TBC1D5: variants seen among roughly 807,000 people sequenced by gnomAD.
TBC1D5 encodes TBC1 domain family, member 5.
A neutral mutation model predicts 100.3 loss-of-function variants in TBC1D5; 75 were observed. The ratio of observed to expected loss-of-function variants is 0.75; its 90% confidence interval spans 0.62 to 0.91. TBC1D5 has a LOEUF of 0.91. Ranked by LOEUF, TBC1D5 falls within the 40% of genes least tolerant of loss-of-function variation. The pLI is 0.00. For missense variants in TBC1D5, 910 were observed against 942.4 expected, an observed-to-expected ratio of 0.97 and a Z score of 0.45; for synonymous variants, 323 against 325.6, an observed-to-expected ratio of 0.99 and a Z score of 0.09.
exon 1 of TBC1D5, chr3:17,739,577 T>A (rs1003225139): frequency 2.0e-5 from 3 of 152,248 alleles, no homozygotes; most frequent in African/African-American, 7.2e-5. Context: ...TAGATACTTT[T>A]ACATTTAACA....
At chr3:17,241,623 C>G (rs2076309200) in intron 16 of TBC1D5, among the ~76,000 whole-genome samples, 1 of 152,182 alleles carries the variant, frequency 6.6e-6, no homozygotes, top group African/African-American at 2.4e-5. Flanking sequence ...GGTGAACTTT[C>G]TGAAGATCCA....
intron 4 of TBC1D5, among the ~76,000 whole-genome samples, chr3:17,422,928 T>C (rs1361265709): frequency 6.6e-6 from 1 of 152,182 alleles, no homozygotes; most frequent in Non-Finnish European, 1.5e-5. Context: ...ATTTTTCAAA[T>C]TTACTCAATG....
At chr3:17,698,556 A>T (rs2072551069) in intron 1 of TBC1D5, among the ~76,000 whole-genome samples, 1 of 150,890 alleles carries the variant, frequency 6.6e-6, no homozygotes, top group South Asian at 2.1e-4. Context: ...ATCTAATTAA[A>T]CTAAAGAGCT....
chr3:17,530,818 T>C (rs1291824119), intron 2 of TBC1D5, among the ~76,000 whole-genome samples: 3 of 152,218 alleles, frequency 2.0e-5, no homozygotes, highest in African/African-American at 4.8e-5. Context: ...AAATTAGGTA[T>C]TGATGGGACG....
chr3:17,513,881 G>A (rs952975544), intron 2 of TBC1D5, among the ~76,000 whole-genome samples: 27 of 152,112 alleles, frequency 1.8e-4, no homozygotes, highest in Admixed American at 1.8e-3. Flanking sequence ...TCTGGTAGAA[G>A]CTACGTTTTC....
chr3:17,186,214 GA>G (rs1397053786), intron 18 of TBC1D5, among the ~76,000 whole-genome samples: 1 of 148,358 alleles, frequency 6.7e-6, no homozygotes, highest in East Asian at 2.0e-4. Flanking sequence ...AAAAAAGAAG[GA>G]AAAAAAAACC....
chr3:17,620,614 T>C (rs2062583413), intron 2 of TBC1D5, among the ~76,000 whole-genome samples: 1 of 152,218 alleles, frequency 6.6e-6, no homozygotes, highest in South Asian at 2.1e-4. Context: ...TATCTCTGCG[T>C]TATCTTTATA....
At chr3:17,741,437 C>T (rs1393944814), upstream of TBC1D5, among the ~76,000 whole-genome samples, 3 of 152,166 alleles carry the variant, frequency 2.0e-5, no homozygotes, top group East Asian at 1.9e-4. Context: ...TTCAACAATA[C>T]CTATTTATTG....
At chr3:17,192,330 C>T (rs2070039794) in intron 18 of TBC1D5, among the ~76,000 whole-genome samples, 1 of 148,966 alleles carries the variant, frequency 6.7e-6, no homozygotes, top group Non-Finnish European at 1.5e-5. Context: ...TTCTAAACGA[C>T]ACTAAATAGA....
intron 3 of TBC1D5, among the ~76,000 whole-genome samples, chr3:17,429,510 C>G (rs754395204): frequency 6.6e-6 from 1 of 151,724 alleles, no homozygotes; most frequent in Non-Finnish European, 1.5e-5. Flanking sequence ...ATATTTACAG[C>G]TTAATATAAC....
At chr3:17,628,093 G>C (rs2063206735) in intron 1 of TBC1D5, among the ~76,000 whole-genome samples, 2 of 152,144 alleles carry the variant, frequency 1.3e-5, no homozygotes, top group African/African-American at 4.8e-5. Context: ...ACTCCGCCGG[G>C]TGTGGTGGCT....
In TBC1D5 at chr3:17,177,890, C is replaced by T. The variant is rs963026800; in HGVS notation, c.1852+7219G>A. Among the ~76,000 whole-genome samples, 72 of 152,058 alleles carry T rather than the reference C, an allele frequency of 4.7e-4. 1 individual carries two copies. Among genetic ancestry groups the T allele is most frequent in the Admixed American group, 4.1e-3 (63 of 15,272 alleles). Reference sequence around the variant, plus strand: ...CCTCAAGCATTTATTCTTTGTGTTACCATCATTCTACTCTTTATCTCCATG... The same window carrying T: ...CCTCAAGCATTTATTCTTTGTGTTATCATCATTCTACTCTTTATCTCCATG... On this transcript the variant is annotated intron_variant, in intron 19 of 21. Transcript: ENST00000253692.
At chr3:17,399,920 C>A (rs748873752) in intron 8 of TBC1D5, among the ~76,000 whole-genome samples, 4 of 152,116 alleles carry the variant, frequency 2.6e-5, no homozygotes, top group Non-Finnish European at 5.9e-5. Context: ...CATCTCAGCT[C>A]AAATGTCATC....
chr3:17,579,803 G>A (rs2096681885), intron 2 of TBC1D5, among the ~76,000 whole-genome samples: 1 of 152,032 alleles, frequency 6.6e-6, no homozygotes, highest in African/African-American at 2.4e-5. Flanking sequence ...CAGATAAGAG[G>A]GAACTACTGT....
intron 4 of TBC1D5, among the ~76,000 whole-genome samples, chr3:17,409,752 C>G (rs2093872148): frequency 6.6e-6 from 1 of 152,120 alleles, no homozygotes; most frequent in African/African-American, 2.4e-5. Flanking sequence ...TAATCCAGAG[C>G]AAAGCCCTAA....
intron 1 of TBC1D5, among the ~76,000 whole-genome samples, chr3:17,660,298 AAG>A (rs1441430950): frequency 6.6e-6 from 1 of 152,226 alleles, no homozygotes; most frequent in Non-Finnish European, 1.5e-5. Flanking sequence ...ATGCTTATAG[AAG>A]AGACTCCACT....
At chr3:17,167,551 C>A (rs2066751359) in intron 20 of TBC1D5, among the ~76,000 whole-genome samples, 198 bp downstream of exon 21, 1 of 152,114 alleles carries the variant, frequency 6.6e-6, no homozygotes, top group Admixed American at 6.5e-5. Flanking sequence ...GGAAAACCAG[C>A]GTGGGTCGCA....
intron 1 of TBC1D5, among the ~76,000 whole-genome samples, chr3:17,638,192 T>C (rs978552866): frequency 1.3e-5 from 2 of 152,136 alleles, no homozygotes; most frequent in African/African-American, 4.8e-5. Flanking sequence ...AAGTCATCCA[T>C]TTGAAGTGTA....
At position 17,458,785 on chromosome 3, in the gene TBC1D5, C is replaced by A. The variant is rs551701089; in HGVS notation, c.98-30266G>T. On this transcript the variant is annotated intron_variant, in intron 3 of 21. Transcript: ENST00000253692. ...CTTTCCAGCTCACTACATCTCTGAT[C>A]AGAAACCGTAAGTCATCCCAACTAC... Among the ~76,000 whole-genome samples the A allele has an allele frequency of 1.7e-4, 26 of 152,270 alleles. No individual in the cohort carries two copies. In the East Asian group the frequency reaches 4.8e-3, roughly 28 times the overall value.
Sources: gnomAD v4.1 joint callset for allele counts (sites outside exome capture counted in the v4.1 genomes callset) on GRCh38, gnomAD v4.1.1 for gene constraint, MANE v1.5 for transcripts, NCBI Gene and HGNC (gene_info 2026-07-23, HGNC 2026-07-21) for gene names.